Variants in KCNQ2 observed in about 807,000 individuals in gnomAD.
KCNQ2 encodes the protein potassium voltage-gated channel subfamily Q member 2.
A neutral mutation model predicts 84.8 loss-of-function variants in KCNQ2; 14 were observed. The observed-to-expected ratio is 0.17, with a 90% CI of 0.11 to 0.26. The LOEUF is 0.26. Ranked by LOEUF, KCNQ2 falls within the 10% of genes least tolerant of loss-of-function variation. KCNQ2 has a pLI of 1.00. For synonymous variants in KCNQ2, 599 were observed against 554.1 expected (o/e 1.08, Z -1.14); for missense variants, 788 against 1,254.0 (o/e 0.63, Z 5.61).
intron 15 of KCNQ2, among the ~76,000 whole-genome samples, chr20:63,409,339 C>G (rs1230583033): frequency 1.3e-5 from 2 of 152,206 alleles, no homozygotes; most frequent in African/African-American, 4.8e-5. Context: ...GTGTAGGATG[C>G]AGAATTCAGC....
chr20:63,433,945 C>T (rs1367721308), intron 7 of KCNQ2, 42 bp from the exon 8 acceptor site: 4 of 1,579,850 alleles, frequency 2.5e-6, no homozygotes, highest in Admixed American at 1.7e-5. Flanking sequence ...GGGCAGGCGG[C>T]GAGGGGCGCG....
chr20:63,431,428 G>A lies in KCNQ2; in HGVS notation c.1119-59C>T, dbSNP rs1484484038. On this transcript the variant is annotated intron_variant, in intron 8 of 16. Coordinates refer to ENST00000359125, the MANE Select transcript of KCNQ2 (RefSeq NM_172107.4). ...GAACGGAAAATTTCAAAAAGAACGG[G>A]ATAAGAAAAAGAAAATGAAACAAAT... The A allele has an allele frequency of 2.4e-5, 38 of 1,572,294 alleles. No homozygotes were observed. The South Asian group carries it at 3.7e-4, about 15-fold the overall frequency.
At chr20:63,454,415 G>A (rs933863233) in intron 1 of KCNQ2, among the ~76,000 whole-genome samples, 2 of 152,240 alleles carry the variant, frequency 1.3e-5, no homozygotes, top group East Asian at 1.9e-4. Context: ...ACGGACGTGC[G>A]AGAAGAGCCT....
intron 5 of KCNQ2, among the ~76,000 whole-genome samples, chr20:63,440,228 G>A (rs2081118760): frequency 6.6e-6 from 1 of 152,152 alleles, no homozygotes; most frequent in Admixed American, 6.5e-5. Flanking sequence ...GGGACCCCAG[G>A]GGTTGTGCTT....
At position 63,402,905 on chromosome 20, in the gene KCNQ2, C is replaced by A. The variant is rs3746369; in HGVS notation, c.*3739G>T. 0.074 allele frequency: 11,216 copies of A among 152,354 alleles called. 830 individuals are homozygous for A. Among genetic ancestry groups the A allele is most frequent in the East Asian group, 0.45 (2,325 of 5,152 alleles). 9.4% of individuals were successfully genotyped at this position (152,354 alleles called of 1,614,324 possible). On this transcript the variant is annotated 3_prime_UTR_variant, in exon 17 of 17. Coordinates refer to ENST00000359125, the MANE Select transcript of KCNQ2 (RefSeq NM_172107.4). ...GGAGCCCTCCCCCAGCGTGTCCCAG[C>A]CGTGGTGGCAGCTGGAAGACTCACG...
chr20:63,417,799 C>T (rs756381627), intron 12 of KCNQ2, among the ~76,000 whole-genome samples: 14 of 152,196 alleles, frequency 9.2e-5, no homozygotes, highest in South Asian at 2.1e-4. Context: ...CCGCTGACCA[C>T]GACAAGGAGC....
intron 4 of KCNQ2, among the ~76,000 whole-genome samples, chr20:63,443,035 A>ATCG (rs2081267346): frequency 2.4e-5 from 1 of 42,528 alleles, no homozygotes; most frequent in Non-Finnish European, 4.6e-5. Context: ...TCACATCACC[A>ATCG]CCACCATCAC....
chr20:63,452,284 AT>A (rs1306896344), intron 1 of KCNQ2, among the ~76,000 whole-genome samples: 3 of 152,240 alleles, frequency 2.0e-5, no homozygotes, highest in Non-Finnish European at 1.5e-5. Context: ...GCTCCATGCC[AT>A]TGAGAAGCTG....
chr20:63,414,764 T>A lies in KCNQ2; in HGVS notation c.1525+139A>T, dbSNP rs1323062026. ...AATTTTAGGTTGCACAAGTCTCACC[T>A]CAATTTTAGAAAGGATAGGGGGTTC... On this transcript the variant is annotated intron_variant, in intron 13 of 16. Transcript: ENST00000359125. The surrounding 1 kb of genome is among the most constrained non-coding windows in gnomAD (Gnocchi z 6.6). The A allele has an allele frequency of 1.2e-6, 1 of 811,202 alleles. No individual in the cohort carries two copies. Among genetic ancestry groups the A allele is most frequent in the Admixed American group, 1.9e-5 (1 of 52,266 alleles). 50.3% of individuals were successfully genotyped at this position (811,202 alleles called of 1,614,324 possible).
At chr20:63,415,948 G>A (rs1363908885) in intron 12 of KCNQ2, among the ~76,000 whole-genome samples, 5 of 152,144 alleles carry the variant, frequency 3.3e-5, no homozygotes, top group African/African-American at 9.7e-5. Flanking sequence ...CCAAGTCTGC[G>A]GTGGACCCTT....
At position 63,467,028 on chromosome 20, in the gene KCNQ2, C is replaced by T. The variant is rs141221381; in HGVS notation, c.296+5140G>A. Reference sequence around the variant, plus strand: ...GGCCAAGGTCTCCCCCGGGGGACATCGCAGGCATCACCCCACCATCCTTGC... The same window carrying T: ...GGCCAAGGTCTCCCCCGGGGGACATTGCAGGCATCACCCCACCATCCTTGC... On this transcript the variant is annotated intron_variant, in intron 1 of 16. Transcript: ENST00000359125. 6.6e-3 allele frequency among the ~76,000 whole-genome samples: 1,002 copies of T among 152,346 alleles called. 16 individuals carry two copies. Among genetic ancestry groups the T allele is most frequent in the African/African-American group, 0.022 (912 of 41,582 alleles).
intron 10 of KCNQ2, among the ~76,000 whole-genome samples, chr20:63,427,346 C>T (rs1294097864): frequency 6.6e-6 from 1 of 152,254 alleles, no homozygotes; most frequent in Non-Finnish European, 1.5e-5. Context: ...TTCTAGGAAA[C>T]GAGCCCTTGG....
chr20:63,461,518 T>C (rs978744688), intron 1 of KCNQ2, among the ~76,000 whole-genome samples: 17 of 152,182 alleles, frequency 1.1e-4, no homozygotes, highest in Non-Finnish European at 1.5e-4. Context: ...GGGGATCCTC[T>C]GGCCCACGAG....
At position 63,413,509 on chromosome 20, in the gene KCNQ2, G is replaced by A. The variant is rs144909985; in HGVS notation, c.1704C>T (p.Ile568=). Residue 568 remains isoleucine, a synonymous_variant, in exon 15 of 17, where the codon ATC becomes ATT. Coordinates refer to ENST00000359125, the MANE Select transcript of KCNQ2 (RefSeq NM_172107.4). ...SLRPYDVMDV[I]EQYSAGHLDM... is the part of the protein sequence containing the mutation. ...CCAGGTGGCCGGCTGAGTACTGCTC[G>A]ATGACGTCCATCACGTCGTAGGGCC... 68 of 1,613,374 alleles carry A rather than the reference G, an allele frequency of 4.2e-5. No homozygotes were observed. The highest frequency in any genetic ancestry group is 5.3e-5 in the African/African-American group (4 of 74,916).
At chr20:63,429,656 C>T (rs775706832) in intron 9 of KCNQ2, among the ~76,000 whole-genome samples, 11 of 152,326 alleles carry the variant, frequency 7.2e-5, no homozygotes, top group Non-Finnish European at 1.5e-4. Flanking sequence ...CTCAATGGCT[C>T]CCCACTGCCT....
At chr20:63,469,836 C>T (rs2082167567) in intron 1 of KCNQ2, among the ~76,000 whole-genome samples, 2 of 152,348 alleles carry the variant, frequency 1.3e-5, no homozygotes, top group East Asian at 1.9e-4. Flanking sequence ...CATCAGGCCT[C>T]CCAAGTGGAG....
Position 63,407,250 on chromosome 20 carries a change from G to A in KCNQ2, c.2013C>T (p.His671=). The change falls in exon 17 of 17, where the codon CAC becomes CAT. Residue 671 remains histidine (H), a synonymous_variant. Coordinates refer to ENST00000359125, the MANE Select transcript of KCNQ2 (RefSeq NM_172107.4). This position sits in a 1 kb window ranked among gnomAD's most constrained non-coding sequence, Gnocchi z 7.2. ...AKEPEPAPPY[H]SPEDSREHVD... ...CATGCTCCCGGCTGTCTTCCGGGCT[G>A]TGGTACGGCGGCGCCGGCTCCGGCT... 1.9e-6 allele frequency: 3 copies of A among 1,600,746 alleles called. No individual in the cohort carries two copies. Among genetic ancestry groups the A allele is most frequent in the Non-Finnish European group, 2.5e-6 (3 of 1,178,894 alleles).
chr20:63,428,923 G>C (rs745350458), intron 9 of KCNQ2, among the ~76,000 whole-genome samples: 5 of 152,238 alleles, frequency 3.3e-5, no homozygotes, highest in South Asian at 4.1e-4. Context: ...TTGGCAAAGA[G>C]CAGCTCATTC....
At chr20:63,423,785 C>G (rs1176497718) in intron 11 of KCNQ2, 1 of 264,260 alleles carries the variant, frequency 3.8e-6, no homozygotes, top group Non-Finnish European at 7.3e-6. Context: ...GAGCTTTCAC[C>G]CCAGCCGGCG....
Sources: allele counts gnomAD v4.1 joint callset (sites outside exome capture counted in the v4.1 genomes callset), GRCh38; gene constraint gnomAD v4.1.1; non-coding constraint Gnocchi (gnomAD v3.1); transcripts MANE v1.5; gene names NCBI Gene and HGNC (gene_info 2026-07-23, HGNC 2026-07-21).